The following TSNAX variants were observed in gnomAD, a reference collection of about 807,000 sequenced individuals.
TSNAX encodes translin-associated protein X.
A neutral mutation model predicts 33.0 loss-of-function variants in TSNAX; 12 were observed. The ratio of observed to expected loss-of-function variants is 0.36; its 90% CI spans 0.23 to 0.59. The LOEUF (loss-of-function observed/expected upper bound fraction) is 0.59, where lower values mean the gene tolerates loss of function less well. Ranked by LOEUF, TSNAX falls within the 20% of genes least tolerant of loss-of-function variation. The probability of loss-of-function intolerance (pLI) is 0.74; values close to 1 mark genes in which losing one functional copy is unlikely to be tolerated. For synonymous variants in TSNAX, 110 were observed against 117.2 expected (o/e 0.94, Z 0.40); for missense variants, 267 against 341.3 (o/e 0.78, Z 1.72).
chr1:231,559,957 G>C (rs913159547), intron 4 of TSNAX, among the ~76,000 whole-genome samples: 1 of 150,494 alleles, frequency 6.6e-6, no homozygotes, highest in African/African-American at 2.4e-5. Context: ...CTTTAAGAAA[G>C]ATCCAAATTA....
intron 4 of TSNAX, among the ~76,000 whole-genome samples, chr1:231,552,007 A>G (rs1572133632): frequency 6.6e-6 from 1 of 151,834 alleles, no homozygotes; most frequent in Non-Finnish European, 1.5e-5. Flanking sequence ...AAAAAAAGAA[A>G]GACCCATTCC....
At position 231,565,940 on chromosome 1, in the gene TSNAX, GT is replaced by G. The variant is rs1661402435; in HGVS notation, c.*1037del. On this transcript the variant is annotated 3_prime_UTR_variant, in exon 6 of 6. Transcript: ENST00000366639. ...ATTGGAGCTAAATTATAATATTTTT[GT>G]TGGTAAAGTTGAGTTATATACTTGT... is the stretch of plus-strand genomic sequence containing the variant. The G allele has an allele frequency of 1.3e-5, 2 of 151,492 alleles. No homozygotes were observed. The highest frequency in any genetic ancestry group is 6.6e-5 in the Admixed American group (1 of 15,220). 9.4% of individuals were successfully genotyped at this position (151,492 alleles called of 1,614,324 possible).
At position 231,561,190 on chromosome 1, in the gene TSNAX, A is replaced by G. The variant is rs1661091464; in HGVS notation, c.430A>G (p.Ser144Gly). Residue 144 changes from serine (S) to glycine (G), a missense_variant, in exon 5 of 6, where the codon AGT (serine) becomes GGT (glycine). This residue lies in a region of TSNAX where 200 missense variants were observed against 214.1 expected (regional missense o/e 0.93). Transcript: ENST00000366639. ...CTTCATCAAAACACGATCATTAATT[A>G]GTATGGATGAAATTAATAAACAATT... ...QHFIKTRSLI[S>G]MDEINKQLIF... is the part of the protein sequence containing the mutation. The G allele has an allele frequency of 2.5e-6, 4 of 1,600,054 alleles. No homozygotes were observed.
Position 231,528,692 on chromosome 1 carries a change from C to T in TSNAX, c.-119C>T, listed in dbSNP as rs1223690689. 3.3e-6 allele frequency: 4 copies of T among 1,194,554 alleles called. No homozygotes were observed. The African/African-American group carries it at 4.5e-5, about 14-fold the overall frequency. The allele number at this position is 1,194,554 out of a possible 1,614,324, so 74.0% of individuals were successfully genotyped here. A position where few individuals can be genotyped will look rare whatever the true frequency, so the allele number is the denominator to read the frequency against. On this transcript the variant is annotated 5_prime_UTR_variant, in exon 1 of 6. Transcript: ENST00000366639. ...TTCCGGCCACTGCGTTGTAGTCGGC[C>T]CGGCTGCAAAGCGTTTTTCTGCAGG...
intron 2 of TSNAX, 75 bp from the exon 3 acceptor site, chr1:231,537,138 C>A: frequency 8.5e-7 from 1 of 1,170,890 alleles, no homozygotes; most frequent in Non-Finnish European, 1.2e-6. Context: ...GCATATGTGA[C>A]GTACATCTTA....
intron 4 of TSNAX, among the ~76,000 whole-genome samples, chr1:231,550,563 G>T (rs1009046570): frequency 6.6e-6 from 1 of 152,202 alleles, no homozygotes; most frequent in Non-Finnish European, 1.5e-5. Flanking sequence ...AGAAGTGGCT[G>T]TCTCTGCACA....
intron 4 of TSNAX, among the ~76,000 whole-genome samples, chr1:231,557,525 T>G (rs1660770563): frequency 1.3e-5 from 2 of 152,272 alleles, no homozygotes; most frequent in Non-Finnish European, 2.9e-5. Context: ...GATGAAGTTA[T>G]TGAGGAAATG....
chr1:231,562,430 T>C (rs1198161553), intron 5 of TSNAX, among the ~76,000 whole-genome samples: 1 of 152,034 alleles, frequency 6.6e-6, no homozygotes, highest in Non-Finnish European at 1.5e-5. Flanking sequence ...ATATGAAGTG[T>C]ATTAAGGAGG....
chr1:231,554,920 A>T (rs1660589165), intron 4 of TSNAX, among the ~76,000 whole-genome samples: 2 of 152,236 alleles, frequency 1.3e-5, no homozygotes, highest in Non-Finnish European at 2.9e-5. Context: ...CATTAAGGAT[A>T]GTAATAGTCA....
At chr1:231,539,207 T>C (rs114941045) in intron 3 of TSNAX, among the ~76,000 whole-genome samples, 3,368 of 152,272 alleles carry the variant, frequency 0.022, 128 homozygotes, top group African/African-American at 0.077. Flanking sequence ...ATGGACACTT[T>C]TTTTTAGTAC....
At chr1:231,544,348 C>G (rs759377077) in intron 4 of TSNAX, among the ~76,000 whole-genome samples, 10 of 152,186 alleles carry the variant, frequency 6.6e-5, no homozygotes, top group Non-Finnish European at 1.3e-4. Flanking sequence ...ATCACATCAT[C>G]ATGTAGTATG....
intron 4 of TSNAX, among the ~76,000 whole-genome samples, chr1:231,545,686 T>G (rs1659860438): frequency 1.3e-5 from 2 of 152,192 alleles, no homozygotes; most frequent in Non-Finnish European, 2.9e-5. Context: ...TTTGAGACAT[T>G]TCGGTACACA....
At chr1:231,561,397 A>G in intron 5 of TSNAX, 142 bp downstream of exon 5, 1 of 688,458 alleles carries the variant, frequency 1.5e-6, no homozygotes, top group Non-Finnish European at 2.3e-6. Flanking sequence ...CAACTAGGAA[A>G]TGGTCTTTTT....
intron 2 of TSNAX, among the ~76,000 whole-genome samples, 154 bp downstream of exon 2, chr1:231,529,513 A>G (rs560547051): frequency 6.6e-6 from 1 of 152,206 alleles, no homozygotes; most frequent in Non-Finnish European, 1.5e-5. Flanking sequence ...CTGGATTACA[A>G]AGGCCTTCAC....
At chr1:231,547,866 A>G (rs573675263) in intron 4 of TSNAX, among the ~76,000 whole-genome samples, 7 of 135,116 alleles carry the variant, frequency 5.2e-5, no homozygotes, top group Middle Eastern at 3.9e-3. Flanking sequence ...TTTTTGAGAC[A>G]GTCTCACTTT....
rs1659431567 is a variant in TSNAX at position 231,539,718 on chromosome 1, T to C, written c.236+2391T>C. On this transcript the variant is annotated intron_variant, in intron 3 of 5. Coordinates refer to ENST00000366639, the MANE Select transcript of TSNAX (RefSeq NM_005999.3). Reference sequence around the variant, plus strand: ...GTCTGTAGTACCCAAAGATAGCCTCTATCAACTAGCAGATTTCTTATTTTG... The same window carrying C: ...GTCTGTAGTACCCAAAGATAGCCTCCATCAACTAGCAGATTTCTTATTTTG... 3.3e-5 allele frequency among the ~76,000 whole-genome samples: 5 copies of C among 152,358 alleles called. No homozygotes were observed. The South Asian group carries it at 8.3e-4, about 25-fold the overall frequency.
At chr1:231,531,297 C>A (rs1476364349) in intron 2 of TSNAX, among the ~76,000 whole-genome samples, 2 of 152,146 alleles carry the variant, frequency 1.3e-5, no homozygotes, top group East Asian at 3.9e-4. Context: ...CAAGTAGCCT[C>A]TTTCCTGTGA....
At chr1:231,563,232 C>T (rs995296174) in intron 5 of TSNAX, among the ~76,000 whole-genome samples, 3 of 152,172 alleles carry the variant, frequency 2.0e-5, no homozygotes, top group African/African-American at 7.2e-5. Flanking sequence ...GCAACTTCAC[C>T]TACCCTTTTA....
At chr1:231,538,426 A>G (rs1270426214) in intron 3 of TSNAX, among the ~76,000 whole-genome samples, 1 of 152,216 alleles carries the variant, frequency 6.6e-6, no homozygotes, top group African/African-American at 2.4e-5. Context: ...ATTCAGCACT[A>G]TCTTATGAGC....
Sources: gnomAD v4.1 joint callset for allele counts (sites outside exome capture counted in the v4.1 genomes callset) on GRCh38, gnomAD v4.1.1 for gene constraint, gnomAD v4.1.1 regional missense constraint, MANE v1.5 for transcripts, NCBI Gene and HGNC (gene_info 2026-07-23, HGNC 2026-07-21) for gene names.